Variants in CACNB2 observed in about 807,000 individuals in gnomAD.
CACNB2 encodes calcium voltage-gated channel auxiliary subunit beta 2.
CACNB2 carries 42 observed loss-of-function variants against 73.3 expected under a neutral mutation model. The ratio of observed to expected loss-of-function variants is 0.57; its 90% confidence interval spans 0.45 to 0.74. The LOEUF (loss-of-function observed/expected upper bound fraction) is 0.74, where lower values mean the gene tolerates loss of function less well. Ranked by LOEUF, CACNB2 falls within the 30% of genes least tolerant of loss-of-function variation. The pLI is 0.00. For synonymous variants in CACNB2, 348 were observed against 310.3 expected, an observed-to-expected ratio of 1.12 and a Z score of -1.28; for missense variants, 940 against 853.0, an observed-to-expected ratio of 1.10 and a Z score of -1.27.
intron 3 of CACNB2, among the ~76,000 whole-genome samples, chr10:18,446,834 G>T (rs1054101730): frequency 6.6e-6 from 1 of 152,138 alleles, no homozygotes; most frequent in Non-Finnish European, 1.5e-5. Context: ...GAAGGCCGAG[G>T]CAGGAGGATC....
At chr10:18,440,904 G>A (rs2046379443) in intron 3 of CACNB2, among the ~76,000 whole-genome samples, 1 of 152,188 alleles carries the variant, frequency 6.6e-6, no homozygotes, top group Non-Finnish European at 1.5e-5. Context: ...GGACTATGTT[G>A]TGAATGTTAG....
In CACNB2 at chr10:18,140,664, G is replaced by T; in HGVS notation, c.-73G>T. The T allele has an allele frequency of 7.4e-7, 1 of 1,346,310 alleles. No homozygotes were observed. Among genetic ancestry groups the T allele is most frequent in the Non-Finnish European group, 1.0e-6 (1 of 960,276 alleles). The allele number at this position is 1,346,310 out of a possible 1,614,324, so 83.4% of individuals were successfully genotyped here. A position where few individuals can be genotyped will look rare whatever the true frequency, so the allele number is the denominator to read the frequency against. On this transcript the variant is annotated 5_prime_UTR_variant, in exon 1 of 14. Transcript: ENST00000324631. ...GGCCCCCAGAGCCGATCAGAGCGCG[G>T]GGAGGCGGGGGCGAGGAGGAGGGGA...
intron 3 of CACNB2, among the ~76,000 whole-genome samples, chr10:18,426,708 C>A (rs2045615993): frequency 6.6e-6 from 1 of 152,096 alleles, no homozygotes; most frequent in South Asian, 2.1e-4. Context: ...AAATAAAATT[C>A]TGTTTCTTCC....
chr10:18,150,937 A>G lies in CACNB2; in HGVS notation c.175A>G (p.Thr59Ala), dbSNP rs142038694. Residue 59 changes from threonine to alanine, a missense_variant, in exon 2 of 14, where the codon ACG (threonine) becomes GCG (alanine). Transcript: ENST00000324631. ...CAGATTTAAAGGATCTGATGGAAGC[A>G]CGTCATCTGATACTACCTCAAATAG... ...KNRFKGSDGS[T>A]SSDTTSNSFV... is the part of the protein sequence containing the mutation. 6.3e-7 allele frequency: 1 copy of G among 1,579,578 alleles called. No homozygotes were observed. The highest frequency in any genetic ancestry group is 8.6e-7 in the Non-Finnish European group (1 of 1,164,126).
At chr10:18,402,754 T>C (rs572139674) in intron 3 of CACNB2, among the ~76,000 whole-genome samples, 10 of 152,328 alleles carry the variant, frequency 6.6e-5, no homozygotes, top group African/African-American at 1.9e-4. Context: ...TTCTAAAGCA[T>C]AGATTGTTCG....
At chr10:18,263,100 C>T (rs1012321566) in intron 2 of CACNB2, among the ~76,000 whole-genome samples, 6 of 152,162 alleles carry the variant, frequency 3.9e-5, no homozygotes, top group Admixed American at 1.3e-4. Flanking sequence ...TCTTGGGAAG[C>T]CTTACCTCTA....
chr10:18,297,811 A>G (rs1031187898), intron 2 of CACNB2, among the ~76,000 whole-genome samples: 7 of 152,292 alleles, frequency 4.6e-5, no homozygotes, highest in African/African-American at 1.7e-4. Flanking sequence ...GAGGGATTAA[A>G]GTGCATTGGA....
chr10:18,539,868 A>C lies in CACNB2; in HGVS notation c.*144A>C. On this transcript the variant is annotated 3_prime_UTR_variant, in exon 14 of 14. Coordinates refer to ENST00000324631, the MANE Select transcript of CACNB2 (RefSeq NM_201596.3). ...TTTGTATTATTGCTGTTGCTTGAAT[A>C]GCAATAGCATGGATAGAGTATTGAG... The C allele has an allele frequency of 1.1e-6, 1 of 880,914 alleles. No individual in the cohort carries two copies. Among genetic ancestry groups the C allele is most frequent in the Non-Finnish European group, 1.7e-6 (1 of 583,030 alleles). The allele number at this position is 880,914 out of a possible 1,614,324, so 54.6% of individuals were successfully genotyped here.
rs1564553127 is a variant in CACNB2 at position 18,442,924 on chromosome 10, ATG to A, written c.333+40883_333+40884del. Among the ~76,000 whole-genome samples, 26 of 59,544 alleles carry A rather than the reference ATG, an allele frequency of 4.4e-4. 1 individual carries two copies. The highest frequency in any genetic ancestry group is 2.4e-3 in the African/African-American group (19 of 7,790). The allele number at this position is 59,544 out of a possible 152,430, so 39.1% of individuals were successfully genotyped here. A position where few individuals can be genotyped will look rare whatever the true frequency, so the allele number is the denominator to read the frequency against. On this transcript the variant is annotated intron_variant, in intron 3 of 13. Transcript: ENST00000324631. ...ATGTAAAAACAATATATATATATAT[ATG>A]TATATATATATATATGTGTATATAT...
intron 6 of CACNB2, chr10:18,513,368 A>G (rs776650788): frequency 1.1e-5 from 2 of 178,042 alleles, no homozygotes; most frequent in African/African-American, 2.4e-5. Flanking sequence ...AGAATGGTCA[A>G]TGTTGAATTC....
At chr10:18,163,051 A>G (rs1435589763) in intron 2 of CACNB2, among the ~76,000 whole-genome samples, 1 of 152,150 alleles carries the variant, frequency 6.6e-6, no homozygotes, top group Non-Finnish European at 1.5e-5. Context: ...CAGGATATAT[A>G]TGAAGCAGTG....
At chr10:18,202,598 A>ATAGT (rs1322823467) in intron 2 of CACNB2, among the ~76,000 whole-genome samples, 4 of 152,352 alleles carry the variant, frequency 2.6e-5, no homozygotes, top group African/African-American at 9.6e-5. Context: ...TAGAGATGAT[A>ATAGT]TAGTTTAAGG....
intron 3 of CACNB2, among the ~76,000 whole-genome samples, chr10:18,497,912 A>G (rs917932045): frequency 6.6e-6 from 1 of 152,192 alleles, no homozygotes; most frequent in East Asian, 1.9e-4. Flanking sequence ...TCATTCAATG[A>G]TTGTACCTTT....
At chr10:18,167,314 G>A (rs2032923952) in intron 2 of CACNB2, among the ~76,000 whole-genome samples, 1 of 152,116 alleles carries the variant, frequency 6.6e-6, no homozygotes, top group African/African-American at 2.4e-5. Context: ...GGAAGGGTGA[G>A]AGGGGAGGGG....
At chr10:18,523,678 T>C (rs1025481659) in intron 9 of CACNB2, among the ~76,000 whole-genome samples, 1 of 152,152 alleles carries the variant, frequency 6.6e-6, no homozygotes, top group Non-Finnish European at 1.5e-5. Context: ...GCAAGACATC[T>C]AGAGTAACTG....
At chr10:18,465,730 A>G (rs1214722111) in intron 3 of CACNB2, among the ~76,000 whole-genome samples, 1 of 147,620 alleles carries the variant, frequency 6.8e-6, no homozygotes, top group African/African-American at 2.5e-5. Context: ...CAACCATGCT[A>G]GAGTGCAGTG....
intron 2 of CACNB2, among the ~76,000 whole-genome samples, chr10:18,228,796 A>G (rs1440877337): frequency 4.6e-5 from 7 of 151,982 alleles, no homozygotes; most frequent in African/African-American, 1.7e-4. Context: ...TTGGAGTGCA[A>G]TGGTGCGATC....
At chr10:18,235,509 A>G (rs1490931127) in intron 2 of CACNB2, among the ~76,000 whole-genome samples, 5 of 152,240 alleles carry the variant, frequency 3.3e-5, no homozygotes, top group Middle Eastern at 3.2e-3. Flanking sequence ...TAGGTTATGT[A>G]TATTTAGCAA....
At chr10:18,360,906 C>T (rs2042114371) in intron 2 of CACNB2, among the ~76,000 whole-genome samples, 1 of 152,202 alleles carries the variant, frequency 6.6e-6, no homozygotes, top group Admixed American at 6.5e-5. Flanking sequence ...TGGGAAGAAG[C>T]ATGAATGCCT....
Sources: allele counts gnomAD v4.1 joint callset (sites outside exome capture counted in the v4.1 genomes callset), GRCh38; gene constraint gnomAD v4.1.1; transcripts MANE v1.5; gene names NCBI Gene and HGNC (gene_info 2026-07-23, HGNC 2026-07-21).